DACH1: variants seen among roughly 807,000 people sequenced by gnomAD.
The protein encoded by DACH1 is dachshund family transcription factor 1.
A neutral mutation model predicts 54.2 loss-of-function variants in DACH1; 12 were observed. That is an observed-to-expected ratio of 0.22 (90% CI 0.14 to 0.36). The LOEUF (loss-of-function observed/expected upper bound fraction) is 0.36, where lower values mean the gene tolerates loss of function less well. Ranked by LOEUF, DACH1 falls within the 10% of genes least tolerant of loss-of-function variation. DACH1 has a pLI of 1.00. For missense variants in DACH1, 805 were observed against 929.8 expected (o/e 0.87, Z 1.75); for synonymous variants, 386 against 366.2 (o/e 1.05, Z -0.62).
At chr13:71,793,974 A>AT (rs1886935838) in intron 1 of DACH1, among the ~76,000 whole-genome samples, 1 of 151,984 alleles carries the variant, frequency 6.6e-6, no homozygotes, top group Non-Finnish European at 1.5e-5. Context: ...TCCATTAATA[A>AT]TTTTTTCAAT....
chr13:71,841,123 A>G (rs992572960), intron 1 of DACH1, among the ~76,000 whole-genome samples: 6 of 152,194 alleles, frequency 3.9e-5, no homozygotes, highest in African/African-American at 1.4e-4. Flanking sequence ...ATAAGATTTC[A>G]ACTCTAAAAA....
intron 1 of DACH1, among the ~76,000 whole-genome samples, chr13:71,683,792 C>A (rs943563083): frequency 7.9e-5 from 12 of 152,094 alleles, no homozygotes; most frequent in Non-Finnish European, 7.4e-5. Flanking sequence ...CTTCTATTAG[C>A]ATCACTTAGA....
intron 2 of DACH1, among the ~76,000 whole-genome samples, chr13:71,667,371 A>G (rs1305635628): frequency 6.6e-6 from 1 of 152,210 alleles, no homozygotes; most frequent in African/African-American, 2.4e-5. Context: ...CAACATATTC[A>G]AGGTAAAATG....
intron 10 of DACH1, among the ~76,000 whole-genome samples, chr13:71,443,394 G>T (rs1315534241): frequency 6.6e-6 from 1 of 151,826 alleles, no homozygotes; most frequent in East Asian, 1.9e-4. Context: ...AGGAGTTCGA[G>T]ACCAGCCTGG....
In DACH1 at chr13:71,824,717, AAG is replaced by A. The variant is rs1226104526; in HGVS notation, c.848+41203_848+41204del. Among the ~76,000 whole-genome samples, 14 of 152,012 alleles carry A rather than the reference AAG, an allele frequency of 9.2e-5. No homozygotes were observed. The East Asian group carries it at 2.7e-3, about 29-fold the overall frequency. ...ATTATTTCAATTACTACTTCATCAA[AAG>A]AGTTATTCTCACTCCTTACTACTCT... is the stretch of plus-strand genomic sequence containing the variant. On this transcript the variant is annotated intron_variant, in intron 1 of 10. Coordinates refer to ENST00000613252, the MANE Select transcript of DACH1 (RefSeq NM_080759.6).
intron 10 of DACH1, among the ~76,000 whole-genome samples, chr13:71,447,542 C>A (rs1874573672): frequency 6.6e-6 from 1 of 151,896 alleles, no homozygotes; most frequent in South Asian, 2.1e-4. Flanking sequence ...TTGTTTAATG[C>A]CAATCATATG....
At position 71,548,734 on chromosome 13, in the gene DACH1, T is replaced by C. The variant is rs549765587; in HGVS notation, c.1570+8290A>G. On this transcript the variant is annotated intron_variant, in intron 6 of 10. Coordinates refer to ENST00000613252, the MANE Select transcript of DACH1 (RefSeq NM_080759.6). ...GAGTTCGAGACCAGCCTAGCCTACA[T>C]GGTAAAACCTCATCTCCACTAAAAA... Among the ~76,000 whole-genome samples, 12 of 152,130 alleles carry C rather than the reference T, an allele frequency of 7.9e-5. No homozygotes were observed. In the East Asian group the frequency reaches 1.4e-3, roughly 17 times the overall value.
chr13:71,501,773 C>A (rs186743918), intron 6 of DACH1, among the ~76,000 whole-genome samples: 26 of 152,268 alleles, frequency 1.7e-4, no homozygotes, highest in Non-Finnish European at 3.4e-4. Flanking sequence ...TTCATCATTA[C>A]CATAAATAAC....
chr13:71,488,667 A>G (rs746869702), intron 7 of DACH1, among the ~76,000 whole-genome samples: 1 of 151,892 alleles, frequency 6.6e-6, no homozygotes, highest in Non-Finnish European at 1.5e-5. Context: ...TGTTTAGTAA[A>G]ATCAGACAAA....
chr13:71,593,767 T>A (rs1321721069), intron 3 of DACH1, among the ~76,000 whole-genome samples: 1 of 152,036 alleles, frequency 6.6e-6, no homozygotes. Context: ...TTTTTCATCA[T>A]CATTTCCCAT....
intron 2 of DACH1, among the ~76,000 whole-genome samples, chr13:71,673,490 A>G (rs1880332592): frequency 6.6e-6 from 1 of 152,100 alleles, no homozygotes; most frequent in Non-Finnish European, 1.5e-5. Context: ...CTAATCTTAA[A>G]GGATTATATA....
intron 1 of DACH1, among the ~76,000 whole-genome samples, chr13:71,771,124 A>T (rs946501575): frequency 6.6e-6 from 1 of 151,438 alleles, no homozygotes; most frequent in Non-Finnish European, 1.5e-5. Context: ...TACTCAGTTT[A>T]AACTCCCTAG....
chr13:71,847,309 A>T (rs1873347775), intron 1 of DACH1, among the ~76,000 whole-genome samples: 1 of 152,214 alleles, frequency 6.6e-6, no homozygotes, highest in Non-Finnish European at 1.5e-5. Flanking sequence ...AATGCCCCAT[A>T]ATTATGAATT....
intron 6 of DACH1, among the ~76,000 whole-genome samples, chr13:71,507,528 T>C (rs2138248979): frequency 6.6e-6 from 1 of 152,292 alleles, no homozygotes; most frequent in East Asian, 1.9e-4. Flanking sequence ...GCCAATTAGT[T>C]CAGCTGGAAA....
intron 1 of DACH1, among the ~76,000 whole-genome samples, chr13:71,836,562 C>T (rs1566532845): frequency 6.6e-6 from 1 of 152,016 alleles, no homozygotes; most frequent in Non-Finnish European, 1.5e-5. Flanking sequence ...GTAGATAATG[C>T]AAAGCTTTAT....
At chr13:71,817,845 C>T (rs751214080) in intron 1 of DACH1, among the ~76,000 whole-genome samples, 7 of 119,600 alleles carry the variant, frequency 5.9e-5, no homozygotes, top group African/African-American at 1.3e-4. Context: ...GACAGGGTCT[C>T]GCTCTGTCAC....
intron 1 of DACH1, among the ~76,000 whole-genome samples, chr13:71,727,165 C>A (rs73215231): frequency 6.6e-6 from 1 of 152,176 alleles, no homozygotes; most frequent in Non-Finnish European, 1.5e-5. Flanking sequence ...ATCCTGCATT[C>A]ATTAAGGCTC....
intron 1 of DACH1, among the ~76,000 whole-genome samples, chr13:71,841,164 A>G (rs1051594178): frequency 7.2e-5 from 11 of 152,168 alleles, no homozygotes; most frequent in Non-Finnish European, 1.2e-4. Context: ...TTTATTTGCT[A>G]TCTTCTAAAC....
chr13:71,757,708 A>G (rs1566482541), intron 1 of DACH1, among the ~76,000 whole-genome samples: 1 of 151,920 alleles, frequency 6.6e-6, no homozygotes, highest in African/African-American at 2.4e-5. Flanking sequence ...ATTTTTGTAG[A>G]GATGGGGCTT....
Sources: allele counts gnomAD v4.1 joint callset (sites outside exome capture counted in the v4.1 genomes callset), GRCh38; gene constraint gnomAD v4.1.1; transcripts MANE v1.5; gene names NCBI Gene and HGNC (gene_info 2026-07-23, HGNC 2026-07-21).